The following TRPC3 variants were observed in gnomAD, a reference collection of about 807,000 sequenced individuals.
TRPC3 encodes the protein short transient receptor potential channel 3.
A neutral mutation model predicts 90.9 loss-of-function variants in TRPC3; 54 were observed. The observed-to-expected ratio is 0.59, with a 90% confidence interval of 0.48 to 0.75. The LOEUF (loss-of-function observed/expected upper bound fraction) is 0.75. TRPC3 is among the 30% of genes least tolerant of loss of function. The pLI, the probability that TRPC3 is intolerant of heterozygous loss-of-function variation, is 0.00. For synonymous variants in TRPC3, 424 were observed against 450.9 expected (o/e 0.94, Z 0.75); for missense variants, 918 against 1,194.5 (o/e 0.77, Z 3.41).
intron 3 of TRPC3, among the ~76,000 whole-genome samples, chr4:121,921,488 C>G (rs1729505856): frequency 7.3e-6 from 1 of 137,682 alleles, no homozygotes; most frequent in Non-Finnish European, 1.5e-5. Flanking sequence ...CGCCACTGCA[C>G]TCCAGCCTGG....
chr4:121,904,657 T>C (rs1267786040), intron 7 of TRPC3, 140 bp from the exon 8 acceptor site: 2 of 518,814 alleles, frequency 3.9e-6, no homozygotes, highest in Non-Finnish European at 3.2e-6. Flanking sequence ...AGGATTACTT[T>C]GTTATGACAT....
chr4:121,885,153 A>G (rs935545336), intron 10 of TRPC3, among the ~76,000 whole-genome samples: 2 of 152,214 alleles, frequency 1.3e-5, no homozygotes, highest in Non-Finnish European at 2.9e-5. Flanking sequence ...TTCGCCACAC[A>G]TGACACTACC....
At chr4:121,947,034 G>T (rs1730514691) in intron 1 of TRPC3, among the ~76,000 whole-genome samples, 1 of 151,424 alleles carries the variant, frequency 6.6e-6, no homozygotes, top group Non-Finnish European at 1.5e-5. Context: ...AATTTTACAA[G>T]TAGTCAGTTA....
chr4:121,902,783 A>G (rs1728745007), intron 9 of TRPC3, 69 bp downstream of exon 9: 1 of 1,213,680 alleles, frequency 8.2e-7, no homozygotes. Flanking sequence ...TTATTGAACA[A>G]ACATCAGAAG....
At chr4:121,946,366 A>G (rs1730488912) in intron 1 of TRPC3, among the ~76,000 whole-genome samples, 1 of 152,228 alleles carries the variant, frequency 6.6e-6, no homozygotes, top group African/African-American at 2.4e-5. Flanking sequence ...CTTCAGGAAA[A>G]CACACACAGT....
Position 121,907,541 on chromosome 4 carries a change from G to A in TRPC3, c.1819C>T (p.Pro607Ser). Residue 607 changes from proline to serine, a missense_variant, in exon 7 of 12, where the codon CCT becomes TCT. Coordinates refer to ENST00000379645, the MANE Select transcript of TRPC3 (RefSeq NM_001130698.2). Reference sequence around the variant, plus strand: ...TAAAGGCCTTCAGATATAATCTGAGGGTCAGAAGGGAGCCATTTATCTCTA... The same window carrying A: ...TAAAGGCCTTCAGATATAATCTGAGAGTCAGAAGGGAGCCATTTATCTCTA... ...YARDKWLPSD[P>S]QIISEGLYAI... 2 of 1,608,268 alleles carry A rather than the reference G, an allele frequency of 1.2e-6. No individual in the cohort carries two copies. Among genetic ancestry groups the A allele is most frequent in the Non-Finnish European group, 1.7e-6 (2 of 1,177,686 alleles).
chr4:121,881,557 A>C (rs1007234558), intron 11 of TRPC3, among the ~76,000 whole-genome samples: 2 of 152,142 alleles, frequency 1.3e-5, no homozygotes, highest in African/African-American at 4.8e-5. Flanking sequence ...ACATACATAC[A>C]CTATTGGATT....
intron 11 of TRPC3, 55 bp from the exon 12 acceptor site, chr4:121,879,933 G>C: frequency 1.4e-6 from 2 of 1,446,936 alleles, no homozygotes; most frequent in Non-Finnish European, 1.8e-6. Flanking sequence ...ATTTAGAAAT[G>C]AACAAAGAGT....
chr4:121,930,841 A>AT, intron 2 of TRPC3: 2 of 401,378 alleles, frequency 5.0e-6, no homozygotes, highest in Non-Finnish European at 9.5e-6. Flanking sequence ...AAAAAAAAAA[A>AT]AAAAAAAAAA....
chr4:121,890,686 G>A (rs774852476), intron 10 of TRPC3, among the ~76,000 whole-genome samples: 14 of 152,052 alleles, frequency 9.2e-5, no homozygotes, highest in Non-Finnish European at 1.5e-4. Flanking sequence ...AAGACTAAAC[G>A]TACATATTGA....
chr4:121,895,775 T>C (rs897209172), intron 10 of TRPC3, among the ~76,000 whole-genome samples: 3 of 152,044 alleles, frequency 2.0e-5, no homozygotes, highest in Non-Finnish European at 4.4e-5. Flanking sequence ...TAAAGAAGAA[T>C]TAATACTAAT....
chr4:121,907,717 T>C (rs1224458545), intron 6 of TRPC3, 150 bp from the exon 7 acceptor site: 3 of 825,738 alleles, frequency 3.6e-6, no homozygotes, highest in Admixed American at 3.0e-5. Flanking sequence ...GTCCAGGGAC[T>C]ATTTTCATCT....
In TRPC3 at chr4:121,879,745, T is replaced by C; in HGVS notation, c.2757A>G (p.Arg919=). Residue 919 remains arginine, a synonymous_variant, in exon 12 of 12, where the codon AGA becomes AGG. Transcript: ENST00000379645. ...LSEKLNPSML[R]CE ...AATCCAGGTTGCTGCATCATTCACATCTCAGCATGCTGGGATTCAGTTTCT... is the reference window on the plus strand; with the variant it reads ...AATCCAGGTTGCTGCATCATTCACACCTCAGCATGCTGGGATTCAGTTTCT... The C allele has an allele frequency of 6.2e-7, 1 of 1,610,660 alleles. No homozygotes were observed. Among genetic ancestry groups the C allele is most frequent in the African/African-American group, 1.3e-5 (1 of 74,880 alleles).
chr4:121,918,054 C>T (rs1729377541), intron 3 of TRPC3, among the ~76,000 whole-genome samples: 2 of 152,172 alleles, frequency 1.3e-5, no homozygotes, highest in African/African-American at 4.8e-5. Flanking sequence ...GTGGGGCCTT[C>T]AAGAGGTGAT....
Position 121,877,970 on chromosome 4 carries a change from C to G in TRPC3, c.*1766G>C, listed in dbSNP as rs537099725. 4.9e-4 allele frequency among the ~76,000 whole-genome samples: 75 copies of G among 152,232 alleles called. No homozygotes were observed. The highest frequency in any genetic ancestry group is 1.7e-3 in the African/African-American group (72 of 41,538). On this transcript the variant is annotated 3_prime_UTR_variant, in exon 12 of 12. Coordinates refer to ENST00000379645, the MANE Select transcript of TRPC3 (RefSeq NM_001130698.2). ...AATTACAAAATATTCAGTTCCATAG[C>G]TATAAGCAAAAACTTTTCACACTTG...
chr4:121,942,140 C>T (rs952971652), intron 1 of TRPC3, among the ~76,000 whole-genome samples: 1 of 152,204 alleles, frequency 6.6e-6, no homozygotes, highest in Admixed American at 6.5e-5. Flanking sequence ...GACACACACA[C>T]ATAAAAATTT....
intron 10 of TRPC3, among the ~76,000 whole-genome samples, chr4:121,892,212 TA>T (rs1311932469): frequency 1.2e-4 from 18 of 152,202 alleles, no homozygotes; most frequent in Non-Finnish European, 2.6e-4. Context: ...TAAGTATGTT[TA>T]AAAATATTAA....
chr4:121,924,241 T>G (rs1007062787), intron 3 of TRPC3, among the ~76,000 whole-genome samples: 41 of 152,200 alleles, frequency 2.7e-4, no homozygotes, highest in Non-Finnish European at 8.8e-5. Context: ...CTGCAAGGAT[T>G]CACATAACAA....
chr4:121,936,635 G>C (rs1056159140), intron 1 of TRPC3, among the ~76,000 whole-genome samples: 7 of 152,170 alleles, frequency 4.6e-5, no homozygotes, highest in African/African-American at 1.7e-4. Context: ...AGATTATTTT[G>C]AAATCATAGG....
Sources: gnomAD v4.1 joint callset for allele counts (sites outside exome capture counted in the v4.1 genomes callset) on GRCh38, gnomAD v4.1.1 for gene constraint, MANE v1.5 for transcripts, NCBI Gene and HGNC (gene_info 2026-07-23, HGNC 2026-07-21) for gene names.